Variants in LTN1 observed in about 807,000 individuals in gnomAD.
LTN1 encodes listerin E3 ubiquitin protein ligase 1.
Under a neutral mutation model 201.2 loss-of-function variants are expected in LTN1, and 88 were observed. That is an observed-to-expected ratio of 0.44 (90% CI 0.37 to 0.52). The LOEUF (loss-of-function observed/expected upper bound fraction) is 0.52, where lower values mean the gene tolerates loss of function less well. Ranked by LOEUF, LTN1 falls within the 20% of genes least tolerant of loss-of-function variation. LTN1 has a pLI of 0.00. For synonymous variants in LTN1, 645 were observed against 713.5 expected (o/e 0.90, Z 1.53); for missense variants, 1,752 against 2,038.7 (o/e 0.86, Z 2.71).
intron 6 of LTN1, among the ~76,000 whole-genome samples, chr21:28,979,642 G>C (rs1419703962): frequency 6.6e-6 from 1 of 152,090 alleles, no homozygotes; most frequent in Admixed American, 6.6e-5. Flanking sequence ...TCACCTACTT[G>C]CTAAAATTAA....
At chr21:28,958,994 T>C (rs1055781368) in intron 13 of LTN1, among the ~76,000 whole-genome samples, 1 of 152,168 alleles carries the variant, frequency 6.6e-6, no homozygotes, top group Non-Finnish European at 1.5e-5. Flanking sequence ...CTATAGATAG[T>C]ATTTTTTTAT....
rs569243198 is a variant in LTN1, at chr21:28,986,357, C to T, written c.247-120G>A. On this transcript the variant is annotated intron_variant, in intron 2 of 29. Coordinates refer to ENST00000361371, the MANE Select transcript of LTN1 (RefSeq NM_015565.3). This position sits in a 1 kb window ranked among gnomAD's most constrained non-coding sequence, Gnocchi z 4.1. ...GGAGAATACACTATTTCTCTTTATG[C>T]CATATGAGACTAGTTTGAAGAGCTC... 9.3e-5 allele frequency: 66 copies of T among 706,852 alleles called. No individual in the cohort carries two copies. Among genetic ancestry groups the T allele is most frequent in the African/African-American group, 6.4e-4 (36 of 55,948 alleles). The allele number at this position is 706,852 out of a possible 1,614,324, so 43.8% of individuals were successfully genotyped here. A position where few individuals can be genotyped will look rare whatever the true frequency, so the allele number is the denominator to read the frequency against.
intron 1 of LTN1, among the ~76,000 whole-genome samples, chr21:28,989,193 G>C (rs545061261): frequency 6.6e-6 from 1 of 151,882 alleles, no homozygotes; most frequent in Admixed American, 6.6e-5. Flanking sequence ...ATGTGTAAAC[G>C]GTTTTATTAT....
intron 12 of LTN1, 90 bp downstream of exon 12, chr21:28,960,427 C>T (rs2084466944): frequency 1.0e-6 from 1 of 968,280 alleles, no homozygotes; most frequent in Non-Finnish European, 1.5e-6. Context: ...TATTTTTAAC[C>T]AATAACACAT....
At chr21:28,937,598 A>C (rs1411780214) in intron 25 of LTN1, among the ~76,000 whole-genome samples, 1 of 152,200 alleles carries the variant, frequency 6.6e-6, no homozygotes, top group Non-Finnish European at 1.5e-5. Flanking sequence ...TTGATTTTTA[A>C]AATATGTTGA....
chr21:28,972,042 G>T (rs1362505630), intron 6 of LTN1, among the ~76,000 whole-genome samples: 1 of 152,168 alleles, frequency 6.6e-6, no homozygotes, highest in South Asian at 2.1e-4. Context: ...TCACCAGTGT[G>T]ATAGTATTAA....
rs1224324577 is a variant in LTN1, at chr21:28,932,474, T to G, written c.5066A>C (p.His1689Pro). Residue 1689 changes from histidine to proline, a missense_variant, in exon 28 of 30, where the codon CAT becomes CCT. Physicochemically the swap from His to Pro is moderately conservative, Grantham distance 77 (BLOSUM62 -2). This residue lies in a region of LTN1 where 261 missense variants were observed against 350.1 expected (regional missense o/e 0.75). Transcript: ENST00000361371. ...AATGTGTAAACAGAAACTTACCTGA[T>G]GGGTGAGGTAAGTGCTTAACTGCAG... is the stretch of plus-strand genomic sequence containing the variant. ...WMLQLSTYLT[H>P]QNGSIMEGLA... 1 of 1,612,174 alleles carries G rather than the reference T, an allele frequency of 6.2e-7. No homozygotes were observed. Among genetic ancestry groups the G allele is most frequent in the South Asian group, 1.1e-5 (1 of 90,836 alleles).
intron 12 of LTN1, 142 bp downstream of exon 12, chr21:28,960,370 AAAAAG>A (rs1311196930): frequency 3.4e-5 from 20 of 585,778 alleles, no homozygotes; most frequent in African/African-American, 2.3e-4. Flanking sequence ...AAAAAAAAGA[AAAAAG>A]AAAAGAAAAG....
chr21:28,990,387 A>T (rs369779783), intron 1 of LTN1, among the ~76,000 whole-genome samples: 5 of 152,322 alleles, frequency 3.3e-5, no homozygotes, highest in African/African-American at 1.2e-4. Context: ...GTTTCACCAC[A>T]TTTAAAATGA....
chr21:28,951,944 T>C (rs2084386094), intron 18 of LTN1, among the ~76,000 whole-genome samples: 1 of 152,186 alleles, frequency 6.6e-6, no homozygotes, highest in South Asian at 2.1e-4. Flanking sequence ...AACTCCAGCC[T>C]GGGCAACAGA....
In LTN1 at chr21:28,966,767, G is replaced by A. The variant is rs1267544189; in HGVS notation, c.1724C>T (p.Thr575Ile). ...GWELTTEPSLTHNSSGLLSPL... is the reference protein window; with the variant it reads ...GWELTTEPSLIHNSSGLLSPL... Reference sequence around the variant, plus strand: ...AGACAAAAGGCCTGAAGAATTATGAGTGAGAGAAGGTTCAGTTGTTAATTC... The same window carrying A: ...AGACAAAAGGCCTGAAGAATTATGAATGAGAGAAGGTTCAGTTGTTAATTC... Residue 575 changes from threonine to isoleucine, a missense_variant, in exon 10 of 30, where the codon ACT becomes ATT. Thr to Ile is a moderately conservative substitution (Grantham distance 89). Around this residue, in one of 3 missense-constraint regions of LTN1, gnomAD observed 1,211 missense variants for 1,312.8 expected, o/e 0.92. Coordinates refer to ENST00000361371, the MANE Select transcript of LTN1 (RefSeq NM_015565.3). The A allele has an allele frequency of 1.2e-6, 2 of 1,613,968 alleles. No homozygotes were observed. The highest frequency in any genetic ancestry group is 4.5e-5 in the East Asian group (2 of 44,874).
At position 28,947,616 on chromosome 21, in the gene LTN1, G is replaced by GAAA; in HGVS notation, c.3345-13_3345-11dup. On this transcript the variant is annotated splice_polypyrimidine_tract_variant and intron_variant, in intron 18 of 29. Transcript: ENST00000361371. ...AGTTAGTGGAAAAAAACTGTTTAAA[G>GAAA]AAAAAAAAAACACAAGTTAGATTTC... is the stretch of plus-strand genomic sequence containing the variant. 2 of 1,371,140 alleles carry GAAA rather than the reference G, an allele frequency of 1.5e-6. No individual in the cohort carries two copies. The highest frequency in any genetic ancestry group is 1.9e-6 in the Non-Finnish European group (2 of 1,034,928). The allele number at this position is 1,371,140 out of a possible 1,614,324, so 84.9% of individuals were successfully genotyped here.
intron 1 of LTN1, among the ~76,000 whole-genome samples, chr21:28,988,792 G>A (rs565821892): frequency 3.3e-5 from 5 of 151,474 alleles, no homozygotes; most frequent in Admixed American, 1.3e-4. Flanking sequence ...ATGGTGAAAC[G>A]CCGTCTCTAC....
In LTN1 at chr21:28,964,606, T is replaced by C. The variant is rs764733864; in HGVS notation, c.2163+1259A>G. 49 of 1,548,576 alleles carry C rather than the reference T, an allele frequency of 3.2e-5. 1 individual carries two copies. The South Asian group carries it at 4.9e-4, about 15-fold the overall frequency. On this transcript the variant is annotated intron_variant, in intron 11 of 29. Coordinates refer to ENST00000361371, the MANE Select transcript of LTN1 (RefSeq NM_015565.3). ...TCTCTGAGATATGCCAGTATGAACA[T>C]ATCTAATGAAAGAAGCTGCCTAGCT... is the stretch of plus-strand genomic sequence containing the variant.
rs1287539644 is a variant in LTN1 at position 28,930,410 on chromosome 21, T to G, written c.*38A>C. ...ACGGATCCAAATCCAATGCCTTTGT[T>G]TGATGTACTTCAGGGATCCCTTCCA... On this transcript the variant is annotated 3_prime_UTR_variant, in exon 30 of 30. Coordinates refer to ENST00000361371, the MANE Select transcript of LTN1 (RefSeq NM_015565.3). The G allele has an allele frequency of 6.6e-7, 1 of 1,515,308 alleles. No individual in the cohort carries two copies. Among genetic ancestry groups the G allele is most frequent in the African/African-American group, 1.4e-5 (1 of 72,656 alleles). The allele number at this position is 1,515,308 out of a possible 1,614,324, so 93.9% of individuals were successfully genotyped here. A position where few individuals can be genotyped will look rare whatever the true frequency, so the allele number is the denominator to read the frequency against.
At chr21:28,941,943 G>T (rs2084300573) in intron 24 of LTN1, among the ~76,000 whole-genome samples, 1 of 152,108 alleles carries the variant, frequency 6.6e-6, no homozygotes, top group South Asian at 2.1e-4. Flanking sequence ...GAAAATAAAT[G>T]TACCATTCAG....
intron 9 of LTN1, 96 bp downstream of exon 9, chr21:28,969,370 G>T: frequency 9.9e-7 from 1 of 1,009,438 alleles, no homozygotes; most frequent in Non-Finnish European, 1.4e-6. Context: ...ATTTTTACAA[G>T]GAAGGCTTAT....
rs752731036 is a variant in LTN1, at chr21:28,943,714, G to A, written c.4173C>T (p.Leu1391=). 1.9e-6 allele frequency: 3 copies of A among 1,613,824 alleles called. No individual in the cohort carries two copies. The highest frequency in any genetic ancestry group is 1.7e-6 in the Non-Finnish European group (2 of 1,179,808). The part of the protein sequence containing the change: ...TLLNTLAPLL[L]FRARPVQIAV... ...CAATTTGCACAGGCCTAGCTCTGAAGAGGAGTAATGGGGCCAATGTATTTA... is the reference window on the plus strand; with the variant it reads ...CAATTTGCACAGGCCTAGCTCTGAAAAGGAGTAATGGGGCCAATGTATTTA... The change falls in exon 23 of 30, where the codon CTC becomes CTT. Residue 1391 remains leucine, a synonymous_variant. Transcript: ENST00000361371.
chr21:28,982,331 G>A lies in LTN1; in HGVS notation c.614C>T (p.Thr205Ile), dbSNP rs549016778. Residue 205 changes from threonine to isoleucine, a missense_variant, in exon 5 of 30, where the codon ACA (threonine) becomes ATA (isoleucine). Around this residue, in one of 3 missense-constraint regions of LTN1, gnomAD observed 280 missense variants for 375.7 expected, o/e 0.75. Transcript: ENST00000361371. ...QDHLIKETPD[T>I]LSDPQTVPEE... ...TACAACTTACTGCGGGTCACTGAGT[G>A]TATCAGGTGTTTCTTTTATAAGATG... 6.2e-7 allele frequency: 1 copy of A among 1,613,538 alleles called. No homozygotes were observed. The highest frequency in any genetic ancestry group is 2.2e-5 in the East Asian group (1 of 44,864).
Sources: gnomAD v4.1 joint callset for allele counts (sites outside exome capture counted in the v4.1 genomes callset) on GRCh38, gnomAD v4.1.1 for gene constraint, gnomAD v4.1.1 regional missense constraint, Gnocchi (gnomAD v3.1) non-coding constraint, MANE v1.5 for transcripts, NCBI Gene and HGNC (gene_info 2026-07-23, HGNC 2026-07-21) for gene names.